CSGALNACT1: variants seen among roughly 807,000 people sequenced by gnomAD.
The protein encoded by CSGALNACT1 is chondroitin sulfate N-acetylgalactosaminyltransferase 1.
Under a neutral mutation model 51.0 loss-of-function variants are expected in CSGALNACT1, and 52 were observed. That is an observed-to-expected ratio of 1.02 (90% CI 0.82 to 1.29). The LOEUF (loss-of-function observed/expected upper bound fraction) is 1.29. Among genes scored for constraint, CSGALNACT1 ranks in the 50% most tolerant of loss-of-function variants. The pLI is 0.00. For missense variants in CSGALNACT1, 935 were observed against 679.2 expected, an observed-to-expected ratio of 1.38 and a Z score of -4.19; for synonymous variants, 341 against 254.4, an observed-to-expected ratio of 1.34 and a Z score of -3.24.
chr8:19,578,918 G>A (rs2044914844), intron 3 of CSGALNACT1, among the ~76,000 whole-genome samples: 2 of 152,002 alleles, frequency 1.3e-5, no homozygotes, highest in African/African-American at 4.8e-5. Context: ...ACTTTCTCTT[G>A]GAGTTCTTGC....
intron 4 of CSGALNACT1, among the ~76,000 whole-genome samples, chr8:19,461,513 TG>T (rs1283154911): frequency 6.6e-6 from 1 of 151,372 alleles, no homozygotes; most frequent in Non-Finnish European, 1.5e-5. Flanking sequence ...ACATTCACCA[TG>T]GGGGGCGTAT....
chr8:19,422,766 C>T (rs2058147784), intron 6 of CSGALNACT1, among the ~76,000 whole-genome samples: 1 of 152,206 alleles, frequency 6.6e-6, no homozygotes, highest in African/African-American at 2.4e-5. Context: ...GCCCCAGCTC[C>T]TGTAAGTCAG....
chr8:19,450,917 C>CAA (rs112155859), intron 5 of CSGALNACT1, among the ~76,000 whole-genome samples: 15 of 146,462 alleles, frequency 1.0e-4, no homozygotes, highest in African/African-American at 3.8e-4. Context: ...ACCCTGTCTT[C>CAA]AAAAAAAAAT....
intron 1 of CSGALNACT1, among the ~76,000 whole-genome samples, chr8:19,662,157 C>A (rs1207055849): frequency 6.9e-6 from 1 of 144,976 alleles, no homozygotes; most frequent in Non-Finnish European, 1.5e-5. Flanking sequence ...GGGGCTCACA[C>A]TGGTAATCCC....
chr8:19,755,980 T>G (rs1297404229), intron 1 of CSGALNACT1, among the ~76,000 whole-genome samples: 1 of 152,198 alleles, frequency 6.6e-6, no homozygotes, highest in Non-Finnish European at 1.5e-5. Context: ...TAGTCCCCTG[T>G]GTATTATGCA....
intron 2 of CSGALNACT1, among the ~76,000 whole-genome samples, chr8:19,592,395 G>A (rs190684771): frequency 4.6e-5 from 7 of 152,242 alleles, no homozygotes; most frequent in African/African-American, 1.7e-4. Context: ...AGATAAAATA[G>A]TATATATATT....
rs55968136 is a variant in CSGALNACT1 at position 19,542,200 on chromosome 8, AACACACACACACAC to A, written c.-296-36084_-296-36071del. Among the ~76,000 whole-genome samples, 129 of 144,038 alleles carry A rather than the reference AACACACACACACAC, an allele frequency of 9.0e-4. 2 individuals are homozygous for A. The highest frequency in any genetic ancestry group is 2.7e-3 in the Admixed American group (39 of 14,350). The allele number at this position is 144,038 out of a possible 152,430, so 94.5% of individuals were successfully genotyped here. A position where few individuals can be genotyped will look rare whatever the true frequency, so the allele number is the denominator to read the frequency against. ...AAGAAAGAAGAGAGACAGCACAAGA[AACACACACACACAC>A]ACACACACACACACACACACACAGG... On this transcript the variant is annotated intron_variant, in intron 3 of 9. Coordinates refer to ENST00000454498, the Ensembl canonical transcript of CSGALNACT1.
At chr8:19,617,458 C>T (rs532954470) in intron 1 of CSGALNACT1, among the ~76,000 whole-genome samples, 7 of 152,216 alleles carry the variant, frequency 4.6e-5, no homozygotes, top group South Asian at 2.1e-4. Context: ...ATGTTTAACC[C>T]GAATATAGAC....
upstream of CSGALNACT1, among the ~76,000 whole-genome samples, chr8:19,686,164 C>A (rs370835362): frequency 8.7e-4 from 133 of 152,192 alleles, no homozygotes; most frequent in African/African-American, 3.1e-3. Flanking sequence ...TGCTCTCCAG[C>A]CAGCGGACTG....
intron 1 of CSGALNACT1, among the ~76,000 whole-genome samples, chr8:19,611,684 T>G (rs974427692): frequency 6.6e-6 from 1 of 152,232 alleles, no homozygotes; most frequent in African/African-American, 2.4e-5. Context: ...GGATCCTGTA[T>G]GCTGACTCAT....
chr8:19,585,540 T>C (rs561966633), intron 3 of CSGALNACT1, among the ~76,000 whole-genome samples: 2 of 152,336 alleles, frequency 1.3e-5, no homozygotes, highest in Admixed American at 6.5e-5. Context: ...TTGAGCTCTT[T>C]CTTGGAAAAC....
rs1188491027 is a variant in CSGALNACT1, at chr8:19,461,020, T to C, written c.635-2378A>G. On this transcript the variant is annotated intron_variant, in intron 4 of 9. Transcript: ENST00000454498. The stretch of plus-strand genomic sequence containing the variant: ...TTCCCCAGCAGTGAACACAGCTATT[T>C]AAAGGCCGAGACACGGAGGAATTAC... Among the ~76,000 whole-genome samples the C allele has an allele frequency of 3.3e-5, 5 of 152,274 alleles. No individual in the cohort carries two copies. In the East Asian group the frequency reaches 9.7e-4, roughly 29 times the overall value.
intron 1 of CSGALNACT1, among the ~76,000 whole-genome samples, chr8:19,672,092 T>G (rs2059837514): frequency 6.6e-6 from 1 of 152,236 alleles, no homozygotes; most frequent in Non-Finnish European, 1.5e-5. Context: ...ATACTTGAGC[T>G]GCATAGGGCA....
chr8:19,446,514 T>C (rs1270805667), intron 5 of CSGALNACT1, among the ~76,000 whole-genome samples: 3 of 152,110 alleles, frequency 2.0e-5, no homozygotes, highest in Non-Finnish European at 4.4e-5. Context: ...CATTCATTCA[T>C]TCATTCATTC....
chr8:19,551,043 G>A (rs2087917364), intron 3 of CSGALNACT1, among the ~76,000 whole-genome samples: 1 of 152,136 alleles, frequency 6.6e-6, no homozygotes, highest in Non-Finnish European at 1.5e-5. Flanking sequence ...TCTGTCTTCT[G>A]GCAGAGCTTG....
upstream of CSGALNACT1, chr8:19,683,120 G>C: frequency 9.3e-6 from 2 of 215,082 alleles, no homozygotes; most frequent in Non-Finnish European, 9.6e-6. Flanking sequence ...TGAAATGTCA[G>C]ATCAGGTGTT....
chr8:19,540,884 G>A (rs977077050), intron 3 of CSGALNACT1, among the ~76,000 whole-genome samples: 1 of 152,110 alleles, frequency 6.6e-6, no homozygotes, highest in Non-Finnish European at 1.5e-5. Flanking sequence ...ACTCATGTGA[G>A]TCTAGGTTAA....
intron 3 of CSGALNACT1, among the ~76,000 whole-genome samples, chr8:19,544,992 T>C (rs1367190997): frequency 6.7e-6 from 1 of 148,946 alleles, no homozygotes; most frequent in Non-Finnish European, 1.5e-5. Context: ...AGTCAGTCCA[T>C]CCTTTCAGAC....
intron 4 of CSGALNACT1, among the ~76,000 whole-genome samples, chr8:19,460,375 T>C (rs933542966): frequency 7.2e-5 from 11 of 152,192 alleles, no homozygotes; most frequent in African/African-American, 2.7e-4. Flanking sequence ...GGGGCTTAAT[T>C]TATAAATTAA....
Sources: gnomAD v4.1 joint callset for allele counts (sites outside exome capture counted in the v4.1 genomes callset) on GRCh38, gnomAD v4.1.1 for gene constraint, MANE v1.5 for transcripts, NCBI Gene and HGNC (gene_info 2026-07-23, HGNC 2026-07-21) for gene names.